Variants in COL26A1 observed in about 807,000 individuals in gnomAD.
COL26A1 encodes the protein collagen type XXVI alpha 1 chain, also known as collagen alpha-1(XXVI) chain.
COL26A1 carries 41 observed loss-of-function variants against 59.3 expected under a neutral mutation model. The observed-to-expected ratio is 0.69, with a 90% CI of 0.54 to 0.90. The LOEUF (loss-of-function observed/expected upper bound fraction) is 0.90. COL26A1 is among the 40% of genes least tolerant of loss of function. The pLI, the probability that COL26A1 is intolerant of heterozygous loss-of-function variation, is 0.00. For synonymous variants in COL26A1, 266 were observed against 256.0 expected (o/e 1.04, Z -0.37); for missense variants, 612 against 602.3 (o/e 1.02, Z -0.17).
chr7:101,408,288 A>G (rs1792173566), intron 1 of COL26A1, among the ~76,000 whole-genome samples: 1 of 152,226 alleles, frequency 6.6e-6, no homozygotes, highest in Non-Finnish European at 1.5e-5. Flanking sequence ...AGGCCAGGAC[A>G]GCTGCCCCAG....
At chr7:101,369,585 A>G (rs113108164) in intron 1 of COL26A1, among the ~76,000 whole-genome samples, 6,856 of 148,174 alleles carry the variant, frequency 0.046, 167 homozygotes, top group East Asian at 0.085. Context: ...AGTAGCTGGG[A>G]CTATAATCAC....
At chr7:101,418,103 G>A (rs552297700) in intron 1 of COL26A1, among the ~76,000 whole-genome samples, 4 of 152,116 alleles carry the variant, frequency 2.6e-5, no homozygotes, top group Admixed American at 6.5e-5. Context: ...AAGCTCAAGC[G>A]ATTCTCCCAC....
Position 101,428,897 on chromosome 7 carries a change from T to C in COL26A1, c.281+8798T>C, listed in dbSNP as rs139870317. ...AAAAGTTTTTATGTTTGATGCAATC[T>C]AATTTATCAATTTTCTTTTTCTTTC... On this transcript the variant is annotated intron_variant, in intron 2 of 12. Coordinates refer to ENST00000313669, the MANE Select transcript of COL26A1 (RefSeq NM_001278563.3). Among the ~76,000 whole-genome samples, 276 of 152,184 alleles carry C rather than the reference T, an allele frequency of 1.8e-3. 1 individual carries two copies. Among genetic ancestry groups the C allele is most frequent in the African/African-American group, 6.4e-3 (265 of 41,562 alleles).
At chr7:101,394,580 CTTTTCTTTT>C (rs1791808050) in intron 1 of COL26A1, among the ~76,000 whole-genome samples, 1 of 116,406 alleles carries the variant, frequency 8.6e-6, no homozygotes, top group Non-Finnish European at 1.8e-5. Flanking sequence ...CTATTTTTTT[CTTTTCTTTT>C]TTTTTTTTTT....
At chr7:101,389,400 G>A (rs1791670454) in intron 1 of COL26A1, among the ~76,000 whole-genome samples, 1 of 117,180 alleles carries the variant, frequency 8.5e-6, no homozygotes, top group South Asian at 2.9e-4. Context: ...TTTTTTTTGA[G>A]ATGGAGTCTC....
intron 11 of COL26A1, among the ~76,000 whole-genome samples, chr7:101,553,683 C>T (rs1447131681): frequency 6.6e-6 from 1 of 152,102 alleles, no homozygotes; most frequent in East Asian, 1.9e-4. Flanking sequence ...AGACAGTCTC[C>T]CTGGAGGAGG....
chr7:101,493,665 G>A (rs1385007077), intron 3 of COL26A1, among the ~76,000 whole-genome samples: 2 of 149,704 alleles, frequency 1.3e-5, no homozygotes, highest in Non-Finnish European at 3.0e-5. Context: ...GCTCACGCCT[G>A]TAATCCTGGC....
Position 101,459,141 on chromosome 7 carries a change from G to T in COL26A1, c.385+11354G>T, listed in dbSNP as rs374044585. ...ACAGGGATCTTTTTGTTCCTAATTAGGTGCCCTTTACTCTAAGCTACCTGG... is the reference window on the plus strand; with the variant it reads ...ACAGGGATCTTTTTGTTCCTAATTATGTGCCCTTTACTCTAAGCTACCTGG... On this transcript the variant is annotated intron_variant, in intron 3 of 12. Transcript: ENST00000313669. Among the ~76,000 whole-genome samples, 500 of 151,972 alleles carry T rather than the reference G, an allele frequency of 3.3e-3. 3 individuals carry two copies. The highest frequency in any genetic ancestry group is 0.011 in the African/African-American group (465 of 41,482).
rs575319499 is a variant in COL26A1 at position 101,455,252 on chromosome 7, C to T, written c.385+7465C>T. Among the ~76,000 whole-genome samples, 8 of 152,042 alleles carry T rather than the reference C, an allele frequency of 5.3e-5. No individual in the cohort carries two copies. The East Asian group carries it at 1.6e-3, about 30-fold the overall frequency. ...AGAGACGGGGTTTCACCATGTTGCC[C>T]AGGCTGGTCTCCAACTCCTGGGCTC... On this transcript the variant is annotated intron_variant, in intron 3 of 12. Transcript: ENST00000313669.
At chr7:101,468,413 T>G (rs1248182309) in intron 3 of COL26A1, among the ~76,000 whole-genome samples, 1 of 152,324 alleles carries the variant, frequency 6.6e-6, no homozygotes, top group East Asian at 1.9e-4. Flanking sequence ...TTTCTAGCTC[T>G]TTTATCACTT....
intron 2 of COL26A1, among the ~76,000 whole-genome samples, chr7:101,434,191 T>C (rs1240330428): frequency 0.094 from 3,395 of 36,242 alleles, 10 homozygotes; most frequent in Non-Finnish European, 0.11. Context: ...TCCTTCTCTC[T>C]CTCTCTCTCT....
In COL26A1 at chr7:101,539,991, C is replaced by G. The variant is rs533426804; in HGVS notation, c.546C>G (p.Pro182=). Residue 182 remains proline (P), a synonymous_variant, in exon 5 of 13, where the codon CCC becomes CCG. Coordinates refer to ENST00000313669, the MANE Select transcript of COL26A1 (RefSeq NM_001278563.3). The part of the protein sequence containing the change: ...TPPTWNEDFL[P]DAIPLAHPVP... ...CGACCTGGAATGAGGACTTCCTCCC[C>G]GACGCCATCCCTCTTGCTCACCCTG... 6.2e-7 allele frequency: 1 copy of G among 1,613,606 alleles called. No homozygotes were observed. Among genetic ancestry groups the G allele is most frequent in the East Asian group, 2.2e-5 (1 of 44,842 alleles).
rs1251126152 is a variant in COL26A1, at chr7:101,438,548, GCCGCA to G, written c.282-9134_282-9130del. On this transcript the variant is annotated intron_variant, in intron 2 of 12. Coordinates refer to ENST00000313669, the MANE Select transcript of COL26A1 (RefSeq NM_001278563.3). The stretch of plus-strand genomic sequence containing the variant: ...ACCAAGTCCAGCTCTGCACCTACCT[GCCGCA>G]CAGTCTCTGGTGGACTCAGTGTTTT... 4.0e-5 allele frequency among the ~76,000 whole-genome samples: 6 copies of G among 151,656 alleles called. No individual in the cohort carries two copies. In the East Asian group the frequency reaches 1.2e-3, roughly 29 times the overall value.
chr7:101,407,888 A>C (rs1011694562), intron 1 of COL26A1, among the ~76,000 whole-genome samples: 1 of 152,160 alleles, frequency 6.6e-6, no homozygotes, highest in African/African-American at 2.4e-5. Flanking sequence ...GTTATACAGA[A>C]ATTATGAATA....
At chr7:101,387,761 TATA>T (rs1791620292) in intron 1 of COL26A1, among the ~76,000 whole-genome samples, 5 of 78,440 alleles carry the variant, frequency 6.4e-5, no homozygotes, top group African/African-American at 2.6e-4. Context: ...TATTTATATA[TATA>T]TATATATATA....
chr7:101,471,606 G>GT (rs34902213), intron 3 of COL26A1, among the ~76,000 whole-genome samples: 28,186 of 111,888 alleles, frequency 0.25, 4,921 homozygotes, highest in Non-Finnish European at 0.33. Context: ...TTGAGACAGA[G>GT]TCTCACTCTG....
intron 3 of COL26A1, among the ~76,000 whole-genome samples, chr7:101,467,461 T>C (rs1562995387): frequency 6.6e-6 from 1 of 151,394 alleles, no homozygotes. Flanking sequence ...GACGTTTGCA[T>C]AGTGTGCGAA....
intron 3 of COL26A1, among the ~76,000 whole-genome samples, chr7:101,497,466 G>T (rs1174535537): frequency 6.6e-6 from 1 of 152,038 alleles, no homozygotes; most frequent in African/African-American, 2.4e-5. Flanking sequence ...CTTGAGCCCA[G>T]GAGTTCGAGA....
chr7:101,467,488 C>A (rs1291731818), intron 3 of COL26A1, among the ~76,000 whole-genome samples: 2 of 151,554 alleles, frequency 1.3e-5, no homozygotes, highest in Non-Finnish European at 3.0e-5. Context: ...GGCCATCCCA[C>A]CCCAATCTTT....
Sources: gnomAD v4.1 joint callset for allele counts (sites outside exome capture counted in the v4.1 genomes callset) on GRCh38, gnomAD v4.1.1 for gene constraint, MANE v1.5 for transcripts, NCBI Gene and HGNC (gene_info 2026-07-23, HGNC 2026-07-21) for gene names.